Variants in TMEM164 observed in about 807,000 individuals in gnomAD.
TMEM164 encodes RP13-360B22.2.
In TMEM164, 4 loss-of-function variants were observed where a neutral mutation model predicts 18.8. The observed-to-expected ratio is 0.21, with a 90% CI of 0.10 to 0.49. The LOEUF (loss-of-function observed/expected upper bound fraction) is 0.49. Among genes scored for constraint, TMEM164 ranks in the 20% least tolerant of loss-of-function variants. The pLI, the probability that TMEM164 is intolerant of heterozygous loss-of-function variation, is 0.98. For missense variants in TMEM164, 108 were observed against 239.9 expected, an observed-to-expected ratio of 0.45 and a Z score of 3.63; for synonymous variants, 86 against 101.7, an observed-to-expected ratio of 0.85 and a Z score of 0.93.
At chrX:110,105,646 C>A (rs972756812) in intron 3 of TMEM164, among the ~76,000 whole-genome samples, 1 of 103,149 alleles carries the variant, frequency 9.7e-6, no homozygotes, top group African/African-American at 3.6e-5. Context: ...CCTTCCTGGC[C>A]TGCAGTCTGA....
chrX:110,022,479 A>C (rs1415546167), intron 2 of TMEM164, among the ~76,000 whole-genome samples: 2 of 111,401 alleles, frequency 1.8e-5, no homozygotes, highest in African/African-American at 6.5e-5. Flanking sequence ...TTTTGAGCAG[A>C]GTGCCTGGCA....
chrX:110,003,597 C>A lies in TMEM164; in HGVS notation c.-178C>A. The A allele has an allele frequency of 2.0e-6, 1 of 502,384 alleles. No individual in the cohort carries two copies. The highest frequency in any genetic ancestry group is 3.2e-6 in the Non-Finnish European group (1 of 315,869). The allele number at this position is 502,384 out of a possible 1,213,427, so 41.4% of individuals were successfully genotyped here. A position where few individuals can be genotyped will look rare whatever the true frequency, so the allele number is the denominator to read the frequency against. ...AGCCGTGGGGACAAGTTAGAGCCAG[C>A]ACTTTACCCCGGGCCTTGCGTGTAG... On this transcript the variant is annotated 5_prime_UTR_variant, in exon 2 of 7. Transcript: ENST00000372068.
chrX:110,002,471 T>C (rs1487150674), upstream of TMEM164, among the ~76,000 whole-genome samples: 1 of 98,302 alleles, frequency 1.0e-5, no homozygotes, highest in Non-Finnish European at 2.1e-5. Context: ...GGTGGACGGG[T>C]GAGGGGAGTG....
At chrX:110,093,844 A>G (rs1385679987) in intron 3 of TMEM164, among the ~76,000 whole-genome samples, 1 of 112,124 alleles carries the variant, frequency 8.9e-6, no homozygotes, top group African/African-American at 3.2e-5. Flanking sequence ...ATTTTCCTCT[A>G]TACTCAGCTT....
chrX:110,178,812 T>G (rs773980694), downstream of TMEM164, among the ~76,000 whole-genome samples: 5 of 112,498 alleles, frequency 4.4e-5, no homozygotes, highest in Non-Finnish European at 9.4e-5. Context: ...GCTGTCCTTG[T>G]ACGGTAGGGA....
Position 110,034,363 on chromosome X carries a change from T to C in TMEM164, c.390+30199T>C, listed in dbSNP as rs1310735358. On this transcript the variant is annotated intron_variant, in intron 2 of 6. Coordinates refer to ENST00000372068, the MANE Select transcript of TMEM164 (RefSeq NM_032227.4). ...AGAAAAAGGTTGCAAAAGCAATGCA[T>C]ACTCATTATAGAAAATTTGGAAACT... Among the ~76,000 whole-genome samples, 16 of 112,511 alleles carry C rather than the reference T, an allele frequency of 1.4e-4. No individual in the cohort carries two copies. In the Admixed American group the frequency reaches 1.5e-3, roughly 11 times the overall value.
intron 2 of TMEM164, among the ~76,000 whole-genome samples, chrX:110,053,378 A>G (rs916127452): frequency 2.7e-5 from 3 of 111,852 alleles, no homozygotes; most frequent in Non-Finnish European, 5.6e-5. Flanking sequence ...GGAAGAACAA[A>G]CTGATGTAGG....
chrX:110,162,567 T>G (rs1233481792), intron 5 of TMEM164, among the ~76,000 whole-genome samples: 1 of 112,069 alleles, frequency 8.9e-6, no homozygotes. Context: ...GAATAGAGGA[T>G]AGGTTTTTTT....
Position 110,108,125 on chromosome X carries a change from T to A in TMEM164, c.441-955T>A, listed in dbSNP as rs192775267. Among the ~76,000 whole-genome samples, 378 of 102,810 alleles carry A rather than the reference T, an allele frequency of 3.7e-3. 2 individuals carry two copies. The highest frequency in any genetic ancestry group is 0.013 in the African/African-American group (360 of 26,733). 89.3% of individuals were successfully genotyped at this position (102,810 alleles called of 115,157 possible). On this transcript the variant is annotated intron_variant, in intron 3 of 6. Coordinates refer to ENST00000372068, the MANE Select transcript of TMEM164 (RefSeq NM_032227.4). Reference sequence around the variant, plus strand: ...GTGTGTGTGTGTGTGTGTGTGTGTGTGATTGAGATTGACATCAACCCCCAT... The same window carrying A: ...GTGTGTGTGTGTGTGTGTGTGTGTGAGATTGAGATTGACATCAACCCCCAT...
rs193191710 is a variant in TMEM164, at chrX:110,151,640, G to A, written c.586+6764G>A. Among the ~76,000 whole-genome samples, 341 of 111,006 alleles carry A rather than the reference G, an allele frequency of 3.1e-3. 1 individual carries two copies. The highest frequency in any genetic ancestry group is 0.011 in the African/African-American group (329 of 30,537). ...TACTAAAAATACAAAAATTAGCCAA[G>A]TGTGGTGGTGCGCATGCCCGTATTC... On this transcript the variant is annotated intron_variant, in intron 5 of 6. Coordinates refer to ENST00000372068, the MANE Select transcript of TMEM164 (RefSeq NM_032227.4).
At chrX:110,140,164 G>A (rs1379730558) in intron 4 of TMEM164, among the ~76,000 whole-genome samples, 2 of 111,343 alleles carry the variant, frequency 1.8e-5, no homozygotes, top group Non-Finnish European at 3.8e-5. Flanking sequence ...ACATGGAGGG[G>A]GCCGTAAATC....
At chrX:110,147,335 G>A (rs2066871387) in intron 5 of TMEM164, among the ~76,000 whole-genome samples, 1 of 111,659 alleles carries the variant, frequency 9.0e-6, no homozygotes, top group Non-Finnish European at 1.9e-5. Flanking sequence ...TTATATATGT[G>A]TAGGGTACAA....
At chrX:110,118,417 C>T (rs781515765) in intron 4 of TMEM164, among the ~76,000 whole-genome samples, 2 of 108,207 alleles carry the variant, frequency 1.8e-5, no homozygotes, top group Admixed American at 1.9e-4. Context: ...ACTTCAAACC[C>T]CTCATGTTAC....
intron 4 of TMEM164, among the ~76,000 whole-genome samples, chrX:110,141,160 C>G (rs1423096815): frequency 9.0e-6 from 1 of 111,502 alleles, no homozygotes; most frequent in Non-Finnish European, 1.9e-5. Context: ...TCTTTAAAAA[C>G]AAAAACAAAA....
At chrX:110,073,205 A>G (rs1304357650) in intron 3 of TMEM164, among the ~76,000 whole-genome samples, 1 of 109,810 alleles carries the variant, frequency 9.1e-6, no homozygotes, top group Non-Finnish European at 1.9e-5. Flanking sequence ...CTAGGTAATT[A>G]TTTTAGTTTT....
At chrX:110,063,915 G>A (rs1344937855) in intron 2 of TMEM164, among the ~76,000 whole-genome samples, 1 of 111,354 alleles carries the variant, frequency 9.0e-6, no homozygotes, top group African/African-American at 3.3e-5. Context: ...CAAGGGCCAG[G>A]GCTAGAGTCT....
At chrX:110,019,577 C>T (rs904081620) in intron 2 of TMEM164, among the ~76,000 whole-genome samples, 1 of 111,818 alleles carries the variant, frequency 8.9e-6, no homozygotes, top group Non-Finnish European at 1.9e-5. Context: ...CCTCCAAAAC[C>T]TTTGATAACT....
At chrX:110,095,084 C>T (rs1190126620) in intron 3 of TMEM164, among the ~76,000 whole-genome samples, 2 of 111,973 alleles carry the variant, frequency 1.8e-5, no homozygotes, top group Non-Finnish European at 3.8e-5. Context: ...GTGGGTAACC[C>T]GACCTTTCTC....
At chrX:110,005,943 G>A (rs1308672482) in intron 2 of TMEM164, among the ~76,000 whole-genome samples, 3 of 111,277 alleles carry the variant, frequency 2.7e-5, no homozygotes, top group East Asian at 2.8e-4. Flanking sequence ...CTGGAGCTGC[G>A]GCTGATGTGA....
Sources: gnomAD v4.1 joint callset for allele counts (sites outside exome capture counted in the v4.1 genomes callset) on GRCh38, gnomAD v4.1.1 for gene constraint, MANE v1.5 for transcripts, NCBI Gene and HGNC (gene_info 2026-07-23, HGNC 2026-07-21) for gene names.